Variants in MYBL2 observed in about 807,000 individuals in gnomAD.
MYBL2 encodes the protein MYB proto-oncogene like 2.
In MYBL2, 28 loss-of-function variants were observed where a neutral mutation model predicts 79.9. The observed-to-expected ratio is 0.35, with a 90% CI of 0.26 to 0.48. The LOEUF is 0.48. Among genes scored for constraint, MYBL2 ranks in the 20% least tolerant of loss-of-function variants. The pLI, the probability that MYBL2 is intolerant of heterozygous loss-of-function variation, is 0.99. For missense variants in MYBL2, 735 were observed against 893.9 expected (o/e 0.82, Z 2.27); for synonymous variants, 378 against 361.2 (o/e 1.05, Z -0.53).
Position 43,713,094 on chromosome 20 carries a change from G to A in MYBL2, c.1812G>A (p.Lys604=), listed in dbSNP as rs747434425. ...AGCTGATGATGTCCACACTGCCCAA[G>A]TCTCTATCCTTGGTAAGGCTTCTGC... The part of the protein sequence containing the change: ...DVKLMMSTLP[K]SLSLPTTAPS... The change falls in exon 12 of 14, where the codon AAG becomes AAA. Residue 604 remains lysine, a synonymous_variant. Transcript: ENST00000217026. 1.9e-6 allele frequency: 3 copies of A among 1,612,204 alleles called. No homozygotes were observed. The African/African-American group carries it at 4.0e-5, about 22-fold the overall frequency.
chr20:43,676,324 T>C (rs1457670136), intron 2 of MYBL2, among the ~76,000 whole-genome samples: 1 of 144,644 alleles, frequency 6.9e-6, no homozygotes, highest in Non-Finnish European at 1.5e-5. Context: ...TTCGTGTCCA[T>C]GTGTATTCAG....
At chr20:43,702,972 G>C (rs2145729188) in intron 8 of MYBL2, 69 bp downstream of exon 8, 1 of 1,484,260 alleles carries the variant, frequency 6.7e-7, no homozygotes, top group African/African-American at 1.4e-5. Context: ...CTGGGGCAAG[G>C]GTGAGCAAAA....
At chr20:43,667,370 A>T in intron 1 of MYBL2, 67 bp downstream of exon 1, 1 of 1,071,454 alleles carries the variant, frequency 9.3e-7, no homozygotes, top group Non-Finnish European at 1.2e-6. Flanking sequence ...CCACCCAGAT[A>T]CCCCCGACCC....
At chr20:43,686,733 A>G in intron 4 of MYBL2, 119 bp from the exon 5 acceptor site, 1 of 958,644 alleles carries the variant, frequency 1.0e-6, no homozygotes, top group South Asian at 1.6e-5. Context: ...GTGTTGCCTG[A>G]GGGGATGTGG....
chr20:43,714,517 G>T (rs1987984267), intron 12 of MYBL2, among the ~76,000 whole-genome samples: 1 of 152,066 alleles, frequency 6.6e-6, no homozygotes, highest in African/African-American at 2.4e-5. Flanking sequence ...ACTTGACTGT[G>T]CCTCCAGACA....
At chr20:43,677,022 G>A (rs1439728157) in intron 2 of MYBL2, among the ~76,000 whole-genome samples, 2 of 152,162 alleles carry the variant, frequency 1.3e-5, no homozygotes, top group African/African-American at 4.8e-5. Context: ...GGGATTACAG[G>A]CAGAAGCCAC....
At chr20:43,689,646 G>A (rs1052677475) in intron 5 of MYBL2, among the ~76,000 whole-genome samples, 1 of 152,138 alleles carries the variant, frequency 6.6e-6, no homozygotes, top group Admixed American at 6.6e-5. Flanking sequence ...TTGGTCTCTG[G>A]TGACCTCTGT....
chr20:43,673,691 G>A (rs757891461), intron 1 of MYBL2, 115 bp from the exon 2 acceptor site: 14 of 930,448 alleles, frequency 1.5e-5, no homozygotes, highest in Non-Finnish European at 2.5e-5. Context: ...GAAAAAGTAA[G>A]AGCCTCTCTC....
intron 7 of MYBL2, among the ~76,000 whole-genome samples, chr20:43,700,867 A>G (rs1053709895): frequency 2.0e-5 from 3 of 152,142 alleles, no homozygotes; most frequent in African/African-American, 4.8e-5. Flanking sequence ...CTGCCATGCT[A>G]TGCTCCTGCT....
chr20:43,706,159 G>A (rs892212599), intron 9 of MYBL2, among the ~76,000 whole-genome samples: 9 of 152,194 alleles, frequency 5.9e-5, no homozygotes, highest in Non-Finnish European at 1.3e-4. Flanking sequence ...CAGGAATGGA[G>A]AGTCCAAATT....
rs1357251673 is a variant in MYBL2, at chr20:43,699,859, C to A, written c.766C>A (p.Pro256Thr). 1.2e-6 allele frequency: 2 copies of A among 1,614,006 alleles called. No individual in the cohort carries two copies. Among genetic ancestry groups the A allele is most frequent in the East Asian group, 2.2e-5 (1 of 44,900 alleles). The change falls in exon 7 of 14, where the codon CCC (proline) becomes ACC (threonine). Residue 256 changes from proline (P) to threonine (T), a missense_variant. Physicochemically the swap from Pro to Thr is conservative, Grantham distance 38 (BLOSUM62 -1). Coordinates refer to ENST00000217026, the MANE Select transcript of MYBL2 (RefSeq NM_002466.4). ...AGCCACCACATCGAAGGAACAGGAG[C>A]CCATCGGTACAGATCTGGACGCAGT... is the stretch of plus-strand genomic sequence containing the variant. ...AAATTSKEQE[P>T]IGTDLDAVRT...
intron 4 of MYBL2, among the ~76,000 whole-genome samples, chr20:43,685,746 C>T (rs1212305430): frequency 6.7e-6 from 1 of 150,278 alleles, no homozygotes; most frequent in Non-Finnish European, 1.5e-5. Context: ...CAGAGTGAGA[C>T]ACTGTCTCAA....
chr20:43,686,706 C>A (rs534158291), intron 4 of MYBL2, 146 bp from the exon 5 acceptor site: 45 of 729,880 alleles, frequency 6.2e-5, no homozygotes, highest in Non-Finnish European at 9.2e-5. Flanking sequence ...TGGGTGGCAT[C>A]CCCTGCAGCT....
rs189981144 is a variant in MYBL2, at chr20:43,706,182, A to G, written c.1505+824A>G. ...GAGAGTCCAAATTAGCCTGAAAAAC[A>G]TAATCTCTTCCGCTTCCTAAGGTTT... On this transcript the variant is annotated intron_variant, in intron 9 of 13. Coordinates refer to ENST00000217026, the MANE Select transcript of MYBL2 (RefSeq NM_002466.4). Among the ~76,000 whole-genome samples, 446 of 152,316 alleles carry G rather than the reference A, an allele frequency of 2.9e-3. 1 individual carries two copies. The highest frequency in any genetic ancestry group is 0.01 in the African/African-American group (427 of 41,576).
chr20:43,702,408 A>C, intron 7 of MYBL2, 82 bp from the exon 8 acceptor site: 1 of 1,428,816 alleles, frequency 7.0e-7, no homozygotes, highest in East Asian at 2.3e-5. Context: ...CATACTTGAC[A>C]CTTAAATATT....
chr20:43,679,731 A>C (rs1003186886), intron 2 of MYBL2, among the ~76,000 whole-genome samples: 13 of 152,078 alleles, frequency 8.5e-5, no homozygotes, highest in Non-Finnish European at 1.9e-4. Context: ...AGAACATGTG[A>C]GATCCTGTCT....
intron 12 of MYBL2, 60 bp from the exon 13 acceptor site, chr20:43,715,074 T>C: frequency 6.3e-7 from 1 of 1,599,216 alleles, no homozygotes; most frequent in Non-Finnish European, 8.6e-7. Context: ...TGCGGGTTTT[T>C]TTCTTCCCTC....
At chr20:43,710,480 G>A (rs1239838759) in intron 10 of MYBL2, among the ~76,000 whole-genome samples, 1 of 152,228 alleles carries the variant, frequency 6.6e-6, no homozygotes, top group Non-Finnish European at 1.5e-5. Context: ...CCTCGGGGAC[G>A]TCTTTCCTGC....
chr20:43,706,295 CCT>C (rs1987782154), intron 9 of MYBL2, among the ~76,000 whole-genome samples: 1 of 152,218 alleles, frequency 6.6e-6, no homozygotes, highest in African/African-American at 2.4e-5. Context: ...GCATTCCTGT[CCT>C]CTGAGCTTAC....
Sources: allele counts gnomAD v4.1 joint callset (sites outside exome capture counted in the v4.1 genomes callset), GRCh38; gene constraint gnomAD v4.1.1; transcripts MANE v1.5; gene names NCBI Gene and HGNC (gene_info 2026-07-23, HGNC 2026-07-21).